Variants in SMIM42 observed in about 807,000 individuals in gnomAD.
SMIM42 encodes small integral membrane protein 42.
exon 1 of SMIM42, among the ~76,000 whole-genome samples, chr1:158,127,727 G>A (rs747636231): frequency 1.3e-5 from 2 of 152,070 alleles, no homozygotes; most frequent in Non-Finnish European, 2.9e-5. Context: ...GGGACATCTG[G>A]CAATGGAGGA....
At chr1:158,128,254 C>T (rs560205100) in exon 1 of SMIM42, among the ~76,000 whole-genome samples, 5 of 152,166 alleles carry the variant, frequency 3.3e-5, no homozygotes, top group Admixed American at 6.5e-5. Flanking sequence ...AAGGCATAGA[C>T]GTTTGCTCAG....
exon 1 of SMIM42, among the ~76,000 whole-genome samples, chr1:158,127,767 C>T (rs939194572): frequency 2.0e-5 from 3 of 152,186 alleles, no homozygotes; most frequent in African/African-American, 7.2e-5. Flanking sequence ...TCTGGCTCCC[C>T]TGGCTCTGGG....
exon 1 of SMIM42, among the ~76,000 whole-genome samples, chr1:158,127,788 G>C (rs1445695327): frequency 6.6e-6 from 1 of 152,150 alleles, no homozygotes; most frequent in African/African-American, 2.4e-5. Flanking sequence ...CTCTGAGACA[G>C]CTCCAGTGGC....
exon 1 of SMIM42, among the ~76,000 whole-genome samples, chr1:158,127,517 A>G (rs1662846227): frequency 1.3e-5 from 2 of 148,756 alleles, no homozygotes; most frequent in African/African-American, 5.0e-5. Flanking sequence ...TTTGTAATCA[A>G]TTTTTACTTT....
Position 158,128,092 on chromosome 1 carries a change from T to TTATC in SMIM42, c.-19_-18insGATA, listed in dbSNP as rs983153530. Among the ~76,000 whole-genome samples, 1 of 151,998 alleles carries TTATC rather than the reference T, an allele frequency of 6.6e-6. No individual in the cohort carries two copies. The highest frequency in any genetic ancestry group is 6.6e-5 in the Admixed American group (1 of 15,254). On this transcript the variant is annotated 5_prime_UTR_variant, in exon 1 of 1. It introduces an in-frame stop codon into an upstream open reading frame of the 5' UTR. Transcript: ENST00000672824. ...GAGGACATAAGCTTCCAAAAAGAGCTGAGATAGGTACGTGGTGCAAGCCGA... is the reference window on the plus strand; with the variant it reads ...GAGGACATAAGCTTCCAAAAAGAGCTTATCGAGATAGGTACGTGGTGCAAGCCGA...
At chr1:158,127,355 A>G (rs1224081974) in exon 1 of SMIM42, among the ~76,000 whole-genome samples, 1 of 152,020 alleles carries the variant, frequency 6.6e-6, no homozygotes, top group African/African-American at 2.4e-5. Flanking sequence ...TGTACCTACA[A>G]TTCAGCAGAG....
At chr1:158,127,900 C>G (rs1662853279) in exon 1 of SMIM42, among the ~76,000 whole-genome samples, 1 of 152,056 alleles carries the variant, frequency 6.6e-6, no homozygotes, top group Admixed American at 6.6e-5. Flanking sequence ...GGGTGTGTCT[C>G]TCTGTTCTTG....
chr1:158,127,701 G>A (rs2101668426), exon 1 of SMIM42, among the ~76,000 whole-genome samples: 1 of 151,904 alleles, frequency 6.6e-6, no homozygotes. Context: ...GGCAGAGGAA[G>A]GAAATGAGGC....
chr1:158,127,813 A>C (rs894915948), exon 1 of SMIM42, among the ~76,000 whole-genome samples: 3 of 152,078 alleles, frequency 2.0e-5, no homozygotes, highest in African/African-American at 7.2e-5. Flanking sequence ...CCTCTCTTGT[A>C]CAATCAGGTC....
At chr1:158,128,257 T>G (rs4657389) in exon 1 of SMIM42, among the ~76,000 whole-genome samples, 98,232 of 151,986 alleles carry the variant, frequency 0.65, 31,731 homozygotes, top group Admixed American at 0.71. Flanking sequence ...GCATAGACGT[T>G]TGCTCAGCAA....
chr1:158,128,290 CA>C (rs1229970667), exon 1 of SMIM42, among the ~76,000 whole-genome samples: 7 of 152,176 alleles, frequency 4.6e-5, no homozygotes, highest in Non-Finnish European at 8.8e-5. Flanking sequence ...GCTTCCAATA[CA>C]AACACAGATG....
chr1:158,127,601 CAAAAA>C (rs145650991), exon 1 of SMIM42, among the ~76,000 whole-genome samples: 2 of 116,298 alleles, frequency 1.7e-5, no homozygotes, highest in Admixed American at 1.7e-4. Flanking sequence ...TGAAGATCCA[CAAAAA>C]AAAAAAAAAA....
At chr1:158,127,707 G>A (rs1662850199) in exon 1 of SMIM42, among the ~76,000 whole-genome samples, 1 of 152,030 alleles carries the variant, frequency 6.6e-6, no homozygotes, top group African/African-American at 2.4e-5. Flanking sequence ...GGAAGGAAAT[G>A]AGGCCTGGGG....
exon 1 of SMIM42, among the ~76,000 whole-genome samples, chr1:158,127,714 G>T (rs144591493): frequency 6.6e-6 from 1 of 152,052 alleles, no homozygotes; most frequent in African/African-American, 2.4e-5. Flanking sequence ...AATGAGGCCT[G>T]GGGGGACATC....
rs143609028 is a variant in SMIM42 at position 158,128,031 on chromosome 1, G to T, written c.44C>A (p.Thr15Lys). Residue 15 changes from threonine to lysine, a missense_variant, in exon 1 of 1, where the codon ACA becomes AAA. Thr to Lys is a moderately conservative substitution (Grantham distance 78). Coordinates refer to ENST00000672824, the Ensembl canonical transcript of SMIM42. Reference sequence around the variant, plus strand: ...AGGATTAGATATGGCAGTGGTGAGTGTACCCTTGTCCCATAAGAAAGCTGG... The same window carrying T: ...AGGATTAGATATGGCAGTGGTGAGTTTACCCTTGTCCCATAAGAAAGCTGG... 2.0e-5 allele frequency among the ~76,000 whole-genome samples: 3 copies of T among 152,256 alleles called. No individual in the cohort carries two copies. In the East Asian group the frequency reaches 5.8e-4, roughly 29 times the overall value.
exon 1 of SMIM42, among the ~76,000 whole-genome samples, chr1:158,127,452 T>C (rs1430224224): frequency 6.6e-6 from 1 of 152,154 alleles, no homozygotes; most frequent in Non-Finnish European, 1.5e-5. Context: ...GAGCTCCCAA[T>C]AATTTCAATA....
Position 158,127,969 on chromosome 1 carries a change from G to C in SMIM42, c.106C>G (p.Leu36Val), listed in dbSNP as rs967045549. Among the ~76,000 whole-genome samples, 8 of 152,250 alleles carry C rather than the reference G, an allele frequency of 5.3e-5. No homozygotes were observed. In the South Asian group the frequency reaches 1.0e-3, roughly 20 times the overall value. ...ATGAGTAGAGTGACCAGAGTCATCA[G>C]GGGTGTAAAGAAGAAGAGAACATTT... The change falls in exon 1 of 1, where the codon CTG (leucine) becomes GTG (valine). Residue 36 changes from leucine to valine, a missense_variant. Leu to Val is a conservative substitution (Grantham distance 32, BLOSUM62 1). Coordinates refer to ENST00000672824, the Ensembl canonical transcript of SMIM42.
rs527830084 is a variant in SMIM42, at chr1:158,128,256, T to G, written c.-182A>C. On this transcript the variant is annotated 5_prime_UTR_variant, in exon 1 of 1. Transcript: ENST00000672824. Reference sequence around the variant, plus strand: ...GGATGTAATGGAGAAGGCATAGACGTTTGCTCAGCAAGGCCAAACAACTGC... The same window carrying G: ...GGATGTAATGGAGAAGGCATAGACGGTTGCTCAGCAAGGCCAAACAACTGC... 3.3e-5 allele frequency among the ~76,000 whole-genome samples: 5 copies of G among 152,296 alleles called. 1 individual carries two copies. The South Asian group carries it at 1.0e-3, about 32-fold the overall frequency.
exon 1 of SMIM42, among the ~76,000 whole-genome samples, chr1:158,128,128 C>A (rs891259854): frequency 6.6e-6 from 1 of 152,124 alleles, no homozygotes; most frequent in Non-Finnish European, 1.5e-5. Flanking sequence ...CTGCCCACAC[C>A]ACCAAGAGAA....
Sources: allele counts gnomAD v4.1 joint callset (sites outside exome capture counted in the v4.1 genomes callset), GRCh38; gene constraint gnomAD v4.1.1; transcripts MANE v1.5; gene names NCBI Gene and HGNC (gene_info 2026-07-23, HGNC 2026-07-21).